PCDHA10: variants seen among roughly 807,000 people sequenced by gnomAD.
The protein encoded by PCDHA10 is protocadherin alpha-10.
PCDHA10 carries 45 observed loss-of-function variants against 61.2 expected under a neutral mutation model. The ratio of observed to expected loss-of-function variants is 0.74; its 90% CI spans 0.58 to 0.94. The LOEUF (loss-of-function observed/expected upper bound fraction) is 0.94. Among genes scored for constraint, PCDHA10 ranks in the 40% least tolerant of loss-of-function variants. The pLI is 0.00. For missense variants in PCDHA10, 1,278 were observed against 1,236.2 expected (o/e 1.03, Z -0.51); for synonymous variants, 602 against 548.8 (o/e 1.10, Z -1.35).
chr5:140,997,349 G>A (rs954510019), intron 3 of PCDHA10, among the ~76,000 whole-genome samples: 3 of 152,256 alleles, frequency 2.0e-5, no homozygotes, highest in South Asian at 2.1e-4. Context: ...ATCATAGAAT[G>A]TACTTACATA....
chr5:140,954,284 C>G (rs1719232084), intron 1 of PCDHA10, among the ~76,000 whole-genome samples: 1 of 152,158 alleles, frequency 6.6e-6, no homozygotes, highest in South Asian at 2.1e-4. Context: ...ATTTATATTC[C>G]TTTGGGTACA....
In PCDHA10 at chr5:140,967,672, C is replaced by G. The variant is rs781956405; in HGVS notation, c.2389-11277C>G. 36 of 1,614,182 alleles carry G rather than the reference C, an allele frequency of 2.2e-5. No individual in the cohort carries two copies. The South Asian group carries it at 3.8e-4, about 17-fold the overall frequency. ...ACTCCTTGAGCAGCTACACGTCGGACCGGGAGAGGCAGCTCTTCAGCATAG... is the reference window on the plus strand; with the variant it reads ...ACTCCTTGAGCAGCTACACGTCGGAGCGGGAGAGGCAGCTCTTCAGCATAG... On this transcript the variant is annotated intron_variant, in intron 1 of 3. Transcript: ENST00000307360.
At chr5:140,883,521 T>C in intron 1 of PCDHA10, 2 of 1,614,202 alleles carry the variant, frequency 1.2e-6, no homozygotes, top group Non-Finnish European at 1.7e-6. Flanking sequence ...CGCGAGAGCG[T>C]ATCAGCCTAT....
At chr5:140,949,745 T>C (rs114918785) in intron 1 of PCDHA10, among the ~76,000 whole-genome samples, 49 of 152,020 alleles carry the variant, frequency 3.2e-4, no homozygotes, top group African/African-American at 1.1e-3. Context: ...ACTGAAGTGC[T>C]TAGCCCATTC....
At chr5:140,871,310 C>A (rs2052956862) in intron 1 of PCDHA10, 1 of 1,613,930 alleles carries the variant, frequency 6.2e-7, no homozygotes, top group South Asian at 1.1e-5. Flanking sequence ...CCGGGGAAGC[C>A]CACGCTGGTG....
At chr5:140,979,868 C>T (rs1554241158) in intron 2 of PCDHA10, among the ~76,000 whole-genome samples, 1 of 152,160 alleles carries the variant, frequency 6.6e-6, no homozygotes. Context: ...AATATCTGGG[C>T]AACTATCAAG....
At position 140,951,544 on chromosome 5, in the gene PCDHA10, G is replaced by A. The variant is rs543008494; in HGVS notation, c.2389-27405G>A. On this transcript the variant is annotated intron_variant, in intron 1 of 3. Transcript: ENST00000307360. ...CATGGCCGGTGCAGGAGCAAGGGAC[G>A]GGGGGAAGTGCTACGCACTTTTAAA... Among the ~76,000 whole-genome samples the A allele has an allele frequency of 1.4e-3, 220 of 151,994 alleles. 1 individual carries two copies. The highest frequency in any genetic ancestry group is 4.9e-3 in the African/African-American group (204 of 41,462).
chr5:140,972,479 C>T (rs782631191), intron 1 of PCDHA10, among the ~76,000 whole-genome samples: 1 of 151,994 alleles, frequency 6.6e-6, no homozygotes, highest in Non-Finnish European at 1.5e-5. Flanking sequence ...CAGCATTTAA[C>T]CCCAGACTCT....
At chr5:140,897,547 C>T (rs1276931434) in intron 1 of PCDHA10, among the ~76,000 whole-genome samples, 3 of 152,076 alleles carry the variant, frequency 2.0e-5, no homozygotes, top group Non-Finnish European at 2.9e-5. Context: ...CATAGTCTTC[C>T]ATGGTGTATA....
chr5:140,876,728 C>G (rs200398819), intron 1 of PCDHA10: 4 of 1,614,244 alleles, frequency 2.5e-6, no homozygotes, highest in African/African-American at 2.7e-5. Flanking sequence ...GAGAGCGTGT[C>G]GGCCTATGAG....
intron 3 of PCDHA10, among the ~76,000 whole-genome samples, chr5:141,000,226 G>A (rs2097897321): frequency 6.6e-6 from 1 of 151,546 alleles, no homozygotes; most frequent in Non-Finnish European, 1.5e-5. Context: ...TGCCTGTGTG[G>A]AGCTGAATGT....
chr5:140,987,106 C>T (rs113308102), intron 3 of PCDHA10, among the ~76,000 whole-genome samples: 4,830 of 151,440 alleles, frequency 0.032, 263 homozygotes, highest in African/African-American at 0.11. Context: ...CCCAGCTACT[C>T]GGGAGGCTGA....
intron 3 of PCDHA10, among the ~76,000 whole-genome samples, chr5:141,000,365 C>G (rs1413548696): frequency 7.8e-5 from 1 of 12,832 alleles, no homozygotes; most frequent in Non-Finnish European, 1.3e-4. Flanking sequence ...CTCTCTGTCT[C>G]TCTCTCTCTC....
At chr5:140,941,797 A>G (rs1425454318) in intron 1 of PCDHA10, among the ~76,000 whole-genome samples, 1 of 152,224 alleles carries the variant, frequency 6.6e-6, no homozygotes, top group African/African-American at 2.4e-5. Flanking sequence ...AAGAATATTT[A>G]GTTGATTTCA....
chr5:140,856,885 AT>A lies in PCDHA10; in HGVS notation c.840del (p.Phe280LeufsTer9), dbSNP rs781799139. 34 of 1,596,494 alleles carry A rather than the reference AT, an allele frequency of 2.1e-5. 3 individuals carry two copies. Among genetic ancestry groups the A allele is most frequent in the Non-Finnish European group, 2.9e-5 (34 of 1,166,312 alleles). ...GAATAAACAAGGAAATGATGTATTC[AT>A]TTAGCTCTTTGGTCCCACCCACGAT... ...EGINKEMMYSFSSLVPPTIRR... is the reference protein window; with the variant it reads ...EGINKEMMYSXSSLVPPTIRR... On this transcript the variant is annotated frameshift_variant, in exon 1 of 4. Transcript: ENST00000307360. LOFTEE classifies it high-confidence loss of function.
In PCDHA10 at chr5:140,967,905, C is replaced by G. The variant is rs782291807; in HGVS notation, c.2389-11044C>G. ...AGCCCAGTGCCTGAGAATGCTACAC[C>G]CAACACCATTGTGGCCGTTCTCAGT... is the stretch of plus-strand genomic sequence containing the variant. On this transcript the variant is annotated intron_variant, in intron 1 of 3. Transcript: ENST00000307360. 36 of 1,614,168 alleles carry G rather than the reference C, an allele frequency of 2.2e-5. No homozygotes were observed. Among genetic ancestry groups the G allele is most frequent in the Non-Finnish European group, 2.8e-5 (33 of 1,180,028 alleles).
intron 3 of PCDHA10, among the ~76,000 whole-genome samples, chr5:140,992,995 A>C (rs1347087034): frequency 2.0e-5 from 3 of 152,202 alleles, no homozygotes; most frequent in African/African-American, 7.2e-5. Context: ...GACCCATGAA[A>C]GAGCCTCCCC....
intron 1 of PCDHA10, chr5:140,967,306 C>A (rs1554229415): frequency 1.2e-6 from 2 of 1,612,350 alleles, no homozygotes; most frequent in Non-Finnish European, 1.7e-6. Context: ...TGGGCGCCAA[C>A]TCAGTACAGA....
At chr5:140,945,628 A>G (rs898111170) in intron 1 of PCDHA10, among the ~76,000 whole-genome samples, 1 of 152,168 alleles carries the variant, frequency 6.6e-6, no homozygotes, top group Non-Finnish European at 1.5e-5. Flanking sequence ...TACTGGCATA[A>G]AAGACATGTA....
Sources: gnomAD v4.1 joint callset for allele counts (sites outside exome capture counted in the v4.1 genomes callset) on GRCh38, gnomAD v4.1.1 for gene constraint, MANE v1.5 for transcripts, NCBI Gene and HGNC (gene_info 2026-07-23, HGNC 2026-07-21) for gene names.